Variants in COL28A1 observed in about 807,000 individuals in gnomAD.
The protein encoded by COL28A1 is collagen type XXVIII alpha 1 chain.
A neutral mutation model predicts 150.2 loss-of-function variants in COL28A1; 161 were observed. The ratio of observed to expected loss-of-function variants is 1.07; its 90% CI spans 0.94 to 1.22. The LOEUF (loss-of-function observed/expected upper bound fraction) is 1.22, where lower values mean the gene tolerates loss of function less well. Ranked by LOEUF, COL28A1 falls within the 50% of genes most tolerant of loss-of-function variation. The pLI is 0.00. For synonymous variants in COL28A1, 552 were observed against 469.7 expected (o/e 1.18, Z -2.26); for missense variants, 1,617 against 1,388.3 (o/e 1.16, Z -2.62).
At chr7:7,507,842 C>G (rs1218648665) in intron 9 of COL28A1, among the ~76,000 whole-genome samples, 2 of 152,150 alleles carry the variant, frequency 1.3e-5, no homozygotes, top group Non-Finnish European at 2.9e-5. Flanking sequence ...GGCATATTTT[C>G]GTCCAGTTTT....
At chr7:7,357,153 G>C (rs532018092), downstream of COL28A1, 1 of 152,138 alleles carries the variant, frequency 6.6e-6, no homozygotes, top group Non-Finnish European at 1.5e-5. Context: ...AGGGTCAAGC[G>C]ATTCTCCTGC....
intron 27 of COL28A1, among the ~76,000 whole-genome samples, chr7:7,386,557 T>G (rs1321968323): frequency 6.6e-6 from 1 of 152,174 alleles, no homozygotes; most frequent in African/African-American, 2.4e-5. Context: ...AGGTGCCACA[T>G]GTTATACAAG....
chr7:7,454,816 G>A (rs145922080), intron 16 of COL28A1, among the ~76,000 whole-genome samples: 202 of 152,216 alleles, frequency 1.3e-3, no homozygotes, highest in African/African-American at 4.6e-3. Flanking sequence ...TGAGAATGTC[G>A]GCTGGTATAA....
At chr7:7,401,770 C>G (rs1583296465) in intron 27 of COL28A1, among the ~76,000 whole-genome samples, 1 of 152,128 alleles carries the variant, frequency 6.6e-6, no homozygotes, top group African/African-American at 2.4e-5. Context: ...ACAGAACCAT[C>G]CTTTTAAATC....
intron 27 of COL28A1, among the ~76,000 whole-genome samples, chr7:7,400,452 G>A (rs1190185169): frequency 6.6e-6 from 1 of 152,166 alleles, no homozygotes; most frequent in Non-Finnish European, 1.5e-5. Flanking sequence ...TGTGTCTATA[G>A]AAGCTGGAAA....
intron 2 of COL28A1, 37 bp downstream of exon 2, chr7:7,532,715 G>A (rs758134346): frequency 1.3e-6 from 2 of 1,585,626 alleles, no homozygotes; most frequent in Non-Finnish European, 1.7e-6. Flanking sequence ...ATTTTTAACA[G>A]GCTAAACTTA....
chr7:7,397,337 T>C (rs1419359795), intron 27 of COL28A1, among the ~76,000 whole-genome samples: 1 of 152,108 alleles, frequency 6.6e-6, no homozygotes, highest in African/African-American at 2.4e-5. Context: ...TAAAGGACAT[T>C]CGGGCCTTAT....
At chr7:7,459,653 A>G (rs1709035010) in intron 15 of COL28A1, among the ~76,000 whole-genome samples, 1 of 152,160 alleles carries the variant, frequency 6.6e-6, no homozygotes, top group African/African-American at 2.4e-5. Context: ...AGTAGCTCCT[A>G]TCACCAGCTC....
At chr7:7,477,295 A>G (rs535073421) in intron 13 of COL28A1, 115 bp from the exon 14 acceptor site, 1 of 677,550 alleles carries the variant, frequency 1.5e-6, no homozygotes, top group South Asian at 1.7e-5. Flanking sequence ...TACATGCCAA[A>G]AAAAAATGGA....
intron 18 of COL28A1, among the ~76,000 whole-genome samples, chr7:7,450,074 T>C (rs1400090288): frequency 3.3e-5 from 5 of 152,018 alleles, no homozygotes; most frequent in African/African-American, 9.7e-5. Flanking sequence ...CTGAGAGATA[T>C]AAATAGACAA....
the COL28A1 span, among the ~76,000 whole-genome samples, chr7:7,541,928 G>A: frequency 8.4e-6 from 1 of 118,690 alleles, no homozygotes; most frequent in African/African-American, 2.7e-5. Flanking sequence ...AAGAGCAATG[G>A]CAAGTTTTAC....
chr7:7,415,895 T>G (rs1583320775), intron 27 of COL28A1, among the ~76,000 whole-genome samples: 1 of 149,214 alleles, frequency 6.7e-6, no homozygotes, highest in East Asian at 2.0e-4. Flanking sequence ...CTCTGCCTCC[T>G]GGGTTCAAGC....
chr7:7,457,306 A>T (rs902981178), intron 15 of COL28A1, among the ~76,000 whole-genome samples: 7 of 152,292 alleles, frequency 4.6e-5, no homozygotes, highest in African/African-American at 1.7e-4. Context: ...ACAAACCAGA[A>T]TGTTGAGAGT....
intron 30 of COL28A1, among the ~76,000 whole-genome samples, chr7:7,375,850 A>G (rs111600630): frequency 1.2e-4 from 19 of 152,302 alleles, no homozygotes; most frequent in African/African-American, 4.3e-4. Context: ...GGCAACTTTA[A>G]CATACCTACG....
In COL28A1 at chr7:7,497,094, A is replaced by AAAGGAAGGAAGGAAGGAAGGAAGG. The variant is rs141012538; in HGVS notation, c.1027-6472_1027-6449dup. On this transcript the variant is annotated intron_variant, in intron 11 of 34. Transcript: ENST00000399429. ...GAAAGGAAGGAAGAAAGGAAGGAAGAAAGGAAGGAAGGAAGGAAGGAAGGA... is the reference window on the plus strand; with the variant it reads ...GAAAGGAAGGAAGAAAGGAAGGAAGAAAGGAAGGAAGGAAGGAAGGAAGGAAGGAAGGAAGGAAGGAAGGAAGGA... Among the ~76,000 whole-genome samples, 3 of 123,852 alleles carry AAAGGAAGGAAGGAAGGAAGGAAGG rather than the reference A, an allele frequency of 2.4e-5. 1 individual carries two copies. The highest frequency in any genetic ancestry group is 7.5e-3 in the Middle Eastern group (2 of 266). The allele number at this position is 123,852 out of a possible 152,430, so 81.3% of individuals were successfully genotyped here.
At chr7:7,492,824 G>A (rs368691839) in intron 11 of COL28A1, among the ~76,000 whole-genome samples, 6 of 151,382 alleles carry the variant, frequency 4.0e-5, no homozygotes, top group African/African-American at 1.4e-4. Flanking sequence ...GTACAAGTCA[G>A]TCTGGCAAAT....
intron 9 of COL28A1, among the ~76,000 whole-genome samples, chr7:7,508,096 G>C (rs895225738): frequency 6.6e-6 from 1 of 152,122 alleles, no homozygotes; most frequent in African/African-American, 2.4e-5. Flanking sequence ...GCCGGGCGTG[G>C]TGGCGGGCAC....
intron 1 of COL28A1, among the ~76,000 whole-genome samples, chr7:7,533,219 C>T (rs771690809): frequency 7.2e-5 from 11 of 152,154 alleles, no homozygotes; most frequent in East Asian, 3.9e-4. Flanking sequence ...ATTTCAATCC[C>T]GCTCTATATG....
At chr7:7,476,316 A>G (rs1788878175) in intron 14 of COL28A1, among the ~76,000 whole-genome samples, 1 of 152,134 alleles carries the variant, frequency 6.6e-6, no homozygotes, top group South Asian at 2.1e-4. Context: ...ACTTTTTAAC[A>G]TGCCCTTCAG....
Sources: gnomAD v4.1 joint callset for allele counts (sites outside exome capture counted in the v4.1 genomes callset) on GRCh38, gnomAD v4.1.1 for gene constraint, MANE v1.5 for transcripts, NCBI Gene and HGNC (gene_info 2026-07-23, HGNC 2026-07-21) for gene names.